The following CNTNAP2 variants were observed in gnomAD, a reference collection of about 807,000 sequenced individuals.
The protein encoded by CNTNAP2 is contactin associated protein 2, also known as contactin-associated protein-like 2.
In CNTNAP2, 98 loss-of-function variants were observed where a neutral mutation model predicts 155.2. The ratio of observed to expected loss-of-function variants is 0.63; its 90% CI spans 0.54 to 0.75. The LOEUF (loss-of-function observed/expected upper bound fraction) is 0.75. Ranked by LOEUF, CNTNAP2 falls within the 30% of genes least tolerant of loss-of-function variation. The probability of loss-of-function intolerance (pLI) is 0.00; values close to 1 mark genes in which losing one functional copy is unlikely to be tolerated. For synonymous variants in CNTNAP2, 651 were observed against 631.2 expected, an observed-to-expected ratio of 1.03 and a Z score of -0.47; for missense variants, 1,727 against 1,688.1, an observed-to-expected ratio of 1.02 and a Z score of -0.40.
At chr7:147,479,385 CAG>C (rs1217614216) in intron 10 of CNTNAP2, among the ~76,000 whole-genome samples, 29 of 152,114 alleles carry the variant, frequency 1.9e-4, no homozygotes, top group African/African-American at 7.0e-4. Flanking sequence ...CTTTGTTTCT[CAG>C]AGTTTGTTTT....
chr7:146,255,168 G>A (rs535721782), intron 1 of CNTNAP2, among the ~76,000 whole-genome samples: 6 of 152,076 alleles, frequency 3.9e-5, no homozygotes, highest in South Asian at 2.1e-4. Context: ...GTTGAATTTC[G>A]GCATAGAGAG....
chr7:146,464,550 A>G (rs994723395), intron 1 of CNTNAP2, among the ~76,000 whole-genome samples: 2 of 152,120 alleles, frequency 1.3e-5, no homozygotes, highest in African/African-American at 4.8e-5. Context: ...TTGAAGTAGT[A>G]AGTCTGTAAA....
At chr7:147,451,462 T>A (rs895304462) in intron 10 of CNTNAP2, among the ~76,000 whole-genome samples, 1 of 152,186 alleles carries the variant, frequency 6.6e-6, no homozygotes, top group Non-Finnish European at 1.5e-5. Flanking sequence ...CTGCTCACTT[T>A]GTCACTATTT....
At chr7:147,934,168 G>A (rs1048768793) in intron 14 of CNTNAP2, among the ~76,000 whole-genome samples, 2 of 152,212 alleles carry the variant, frequency 1.3e-5, no homozygotes, top group East Asian at 3.9e-4. Flanking sequence ...AAAAATTTGA[G>A]AGAGTAGATC....
At chr7:146,431,733 T>G (rs533103538) in intron 1 of CNTNAP2, among the ~76,000 whole-genome samples, 2 of 152,198 alleles carry the variant, frequency 1.3e-5, no homozygotes, top group East Asian at 1.9e-4. Flanking sequence ...AGAAAAAGTT[T>G]TGATGGTTGG....
At chr7:146,201,768 G>GT (rs1355138625) in intron 1 of CNTNAP2, among the ~76,000 whole-genome samples, 3 of 151,472 alleles carry the variant, frequency 2.0e-5, no homozygotes, top group African/African-American at 7.3e-5. Context: ...TTTTTCTTTA[G>GT]TTAATACTTT....
chr7:146,434,039 A>G (rs1468291428), intron 1 of CNTNAP2, among the ~76,000 whole-genome samples: 1 of 152,120 alleles, frequency 6.6e-6, no homozygotes, highest in Non-Finnish European at 1.5e-5. Flanking sequence ...TGGTTTTCAG[A>G]CTGCATTTTT....
chr7:147,534,045 A>ACT (rs1799493596), intron 11 of CNTNAP2, among the ~76,000 whole-genome samples: 1 of 152,152 alleles, frequency 6.6e-6, no homozygotes, highest in African/African-American at 2.4e-5. Context: ...GGCTTTTAGA[A>ACT]TTTACGCAAT....
intron 13 of CNTNAP2, among the ~76,000 whole-genome samples, chr7:147,648,078 T>G (rs1795396544): frequency 6.6e-6 from 1 of 152,140 alleles, no homozygotes; most frequent in Non-Finnish European, 1.5e-5. Context: ...GATGGCTACA[T>G]GTAGAAAAGC....
chr7:147,815,502 G>A lies in CNTNAP2; in HGVS notation c.2099-88063G>A, dbSNP rs563481651. Among the ~76,000 whole-genome samples the A allele has an allele frequency of 1.8e-4, 27 of 152,222 alleles. No homozygotes were observed. In the South Asian group the frequency reaches 5.6e-3, roughly 32 times the overall value. On this transcript the variant is annotated intron_variant, in intron 13 of 23. Coordinates refer to ENST00000361727, the MANE Select transcript of CNTNAP2 (RefSeq NM_014141.6). ...AAACATGGAATCCTTCTCAAGCTTGGAATCTCTTTGACTTTCTCTTCTTCC... is the reference window on the plus strand; with the variant it reads ...AAACATGGAATCCTTCTCAAGCTTGAAATCTCTTTGACTTTCTCTTCTTCC...
At chr7:146,206,135 T>G (rs1798942783) in intron 1 of CNTNAP2, among the ~76,000 whole-genome samples, 1 of 151,946 alleles carries the variant, frequency 6.6e-6, no homozygotes. Flanking sequence ...AACATAAGTT[T>G]GTATTGTGAA....
chr7:146,364,006 A>C (rs536942005), intron 1 of CNTNAP2, among the ~76,000 whole-genome samples: 3 of 152,262 alleles, frequency 2.0e-5, no homozygotes, highest in Non-Finnish European at 4.4e-5. Context: ...ATCATACAAG[A>C]GAAAAAAAGT....
At chr7:146,151,682 G>GTATA (rs775446723) in intron 1 of CNTNAP2, among the ~76,000 whole-genome samples, 3,865 of 72,960 alleles carry the variant, frequency 0.053, 224 homozygotes, top group East Asian at 0.091. Flanking sequence ...ATATATATAT[G>GTATA]TATATATATA....
intron 19 of CNTNAP2, among the ~76,000 whole-genome samples, chr7:148,218,806 G>A (rs1446270297): frequency 1.3e-5 from 2 of 152,080 alleles, no homozygotes; most frequent in East Asian, 1.9e-4. Context: ...ATGCAAATGG[G>A]CTTGTGACCC....
intron 1 of CNTNAP2, among the ~76,000 whole-genome samples, chr7:146,498,174 AAAG>A (rs1453426700): frequency 4.6e-5 from 7 of 152,160 alleles, no homozygotes; most frequent in East Asian, 1.9e-4. Flanking sequence ...ACTGCTTCTA[AAAG>A]AAGAAGGATT....
chr7:147,270,218 G>A (rs1804712728), intron 8 of CNTNAP2, among the ~76,000 whole-genome samples: 1 of 152,150 alleles, frequency 6.6e-6, no homozygotes, highest in Non-Finnish European at 1.5e-5. Context: ...TAGTTCATGA[G>A]TACTGGCCAC....
intron 1 of CNTNAP2, among the ~76,000 whole-genome samples, chr7:146,396,832 A>T (rs2129107423): frequency 6.6e-6 from 1 of 152,014 alleles, no homozygotes; most frequent in East Asian, 1.9e-4. Context: ...TGAAACAAAG[A>T]AAAAAGGTTT....
chr7:147,513,438 G>A (rs1250195557), intron 11 of CNTNAP2, among the ~76,000 whole-genome samples: 3 of 152,008 alleles, frequency 2.0e-5, no homozygotes, highest in Non-Finnish European at 4.4e-5. Flanking sequence ...TTCTCTCTTT[G>A]AGGCTCATTT....
chr7:147,115,790 C>T (rs181245960), intron 5 of CNTNAP2, among the ~76,000 whole-genome samples: 31 of 152,260 alleles, frequency 2.0e-4, no homozygotes, highest in African/African-American at 7.0e-4. Context: ...TTATTACCCA[C>T]CTTCTGCAGC....
Sources: allele counts gnomAD v4.1 joint callset (sites outside exome capture counted in the v4.1 genomes callset), GRCh38; gene constraint gnomAD v4.1.1; transcripts MANE v1.5; gene names NCBI Gene and HGNC (gene_info 2026-07-23, HGNC 2026-07-21).